The following POLR3A variants were observed in gnomAD, a reference collection of about 807,000 sequenced individuals.
The protein encoded by POLR3A is RNA polymerase III subunit A, also known as DNA-directed RNA polymerase III subunit RPC1.
POLR3A carries 112 observed loss-of-function variants against 152.8 expected under a neutral mutation model. That is an observed-to-expected ratio of 0.73 (90% CI 0.63 to 0.86). The LOEUF (loss-of-function observed/expected upper bound fraction) is 0.86, where lower values mean the gene tolerates loss of function less well. Ranked by LOEUF, POLR3A falls within the 40% of genes least tolerant of loss-of-function variation. The pLI, the probability that POLR3A is intolerant of heterozygous loss-of-function variation, is 0.00. For missense variants in POLR3A, 1,385 were observed against 1,743.1 expected (o/e 0.79, Z 3.66); for synonymous variants, 615 against 652.1 (o/e 0.94, Z 0.87).
At chr10:78,001,482 T>C (rs531834022) in intron 17 of POLR3A, among the ~76,000 whole-genome samples, 3 of 152,152 alleles carry the variant, frequency 2.0e-5, no homozygotes, top group Non-Finnish European at 2.9e-5. Flanking sequence ...GTGTGGGCTA[T>C]GTCCTGAGGG....
rs1480597162 is a variant in POLR3A, at chr10:78,029,420, C to T, written c.-13G>A. The T allele has an allele frequency of 6.2e-7, 1 of 1,613,884 alleles. No homozygotes were observed. The highest frequency in any genetic ancestry group is 8.5e-7 in the Non-Finnish European group (1 of 1,180,028). On this transcript the variant is annotated 5_prime_UTR_variant, in exon 1 of 31. Transcript: ENST00000372371. Reference sequence around the variant, plus strand: ...GCTCCTTCACCATGATGACCGCTGCCGGGACGCCTCCTTGGCACTCGGGAG... The same window carrying T: ...GCTCCTTCACCATGATGACCGCTGCTGGGACGCCTCCTTGGCACTCGGGAG...
At chr10:77,995,468 C>A (rs570837195) in intron 19 of POLR3A, among the ~76,000 whole-genome samples, 1 of 152,116 alleles carries the variant, frequency 6.6e-6, no homozygotes. Flanking sequence ...GGAGGAAGAT[C>A]TACTAAGCAA....
intron 19 of POLR3A, among the ~76,000 whole-genome samples, chr10:77,994,305 T>C (rs1847277378): frequency 6.6e-6 from 1 of 152,182 alleles, no homozygotes; most frequent in African/African-American, 2.4e-5. Flanking sequence ...AGGTGTCCAC[T>C]GTCACACTAA....
intron 16 of POLR3A, among the ~76,000 whole-genome samples, chr10:78,004,334 A>G (rs1207644397): frequency 6.6e-6 from 1 of 152,220 alleles, no homozygotes; most frequent in Non-Finnish European, 1.5e-5. Flanking sequence ...GGATGCTGAA[A>G]ATAGAAAAGG....
At chr10:77,982,032 C>G (rs1229598931) in intron 28 of POLR3A, 122 bp downstream of exon 28, 22 of 619,366 alleles carry the variant, frequency 3.6e-5, no homozygotes, top group African/African-American at 3.2e-4. Context: ...GAGCAAGACT[C>G]CATCTCAAAA....
intron 26 of POLR3A, 68 bp from the exon 27 acceptor site, chr10:77,982,885 C>T (rs1847162010): frequency 6.8e-7 from 1 of 1,478,290 alleles, no homozygotes; most frequent in Non-Finnish European, 9.5e-7. Flanking sequence ...ATTGTTGCCC[C>T]TCTAAGAAGT....
chr10:77,982,743 A>G lies in POLR3A; in HGVS notation c.3504T>C (p.His1168=), dbSNP rs956291493. 11 of 1,613,808 alleles carry G rather than the reference A, an allele frequency of 6.8e-6. No homozygotes were observed. The African/African-American group carries it at 1.2e-4, about 18-fold the overall frequency. ...GGGTGACACACACCACAGCCTCACC[A>G]TGAACAGCCACATCACCGGGCTTCA... ...LRVKPGDVAV[H]GEAVVCVTPR... The change falls in exon 27 of 31, where the codon CAT becomes CAC. Residue 1168 remains histidine, a synonymous_variant. Coordinates refer to ENST00000372371, the MANE Select transcript of POLR3A (RefSeq NM_007055.4).
In POLR3A at chr10:77,985,792, T is replaced by C. The variant is rs1017185244; in HGVS notation, c.3071+111A>G. 3 of 811,856 alleles carry C rather than the reference T, an allele frequency of 3.7e-6. No homozygotes were observed. The Admixed American group carries it at 5.6e-5, about 15-fold the overall frequency. 50.3% of individuals were successfully genotyped at this position (811,856 alleles called of 1,614,324 possible). ...GAAAATGTGACAGAATCTGATCAAA[T>C]ACTGGCAGTTAACAAGTGAGCTGGT... On this transcript the variant is annotated intron_variant, in intron 23 of 30. Coordinates refer to ENST00000372371, the MANE Select transcript of POLR3A (RefSeq NM_007055.4).
intron 5 of POLR3A, among the ~76,000 whole-genome samples, chr10:78,023,520 C>G (rs1204273457): frequency 6.6e-6 from 1 of 151,814 alleles, no homozygotes; most frequent in East Asian, 1.9e-4. Context: ...GTGGCTGACA[C>G]CTGTAATCCC....
At chr10:78,003,310 C>T (rs1302775088) in intron 16 of POLR3A, among the ~76,000 whole-genome samples, 1 of 152,118 alleles carries the variant, frequency 6.6e-6, no homozygotes, top group African/African-American at 2.4e-5. Flanking sequence ...CTGGTTTCTC[C>T]CTGCTTTAGA....
chr10:78,007,291 GCAAA>G (rs969575544), intron 15 of POLR3A, among the ~76,000 whole-genome samples: 7 of 152,106 alleles, frequency 4.6e-5, no homozygotes, highest in South Asian at 2.1e-4. Context: ...CAAAGCATGA[GCAAA>G]CAAACAAACA....
At chr10:77,998,564 T>C (rs1214577668) in intron 19 of POLR3A, among the ~76,000 whole-genome samples, 1 of 152,222 alleles carries the variant, frequency 6.6e-6, no homozygotes, top group Non-Finnish European at 1.5e-5. Context: ...TCATCATCAC[T>C]GGCCATCAGA....
chr10:78,024,216 T>C (rs765340142), intron 5 of POLR3A, among the ~76,000 whole-genome samples: 2 of 150,934 alleles, frequency 1.3e-5, no homozygotes, highest in African/African-American at 4.9e-5. Context: ...ATATAAAAAT[T>C]AGGTGGGCAT....
chr10:77,986,146 A>G lies in POLR3A; in HGVS notation c.2915T>C (p.Phe972Ser). Residue 972 changes from phenylalanine (F) to serine (S), a missense_variant, in exon 22 of 31, where the codon TTC becomes TCC. By Grantham distance (155) the Phe-to-Ser change is radical (BLOSUM62 -2). Transcript: ENST00000372371. ...GATCTTCTCAGAGACCCCCTTAATG[A>G]ATTTTTTTATTTCCTGAAAGATTAC... Reference protein sequence around the residue: ...QDSFLQEIKKFIKGVSEKIKK... With the variant: ...QDSFLQEIKKSIKGVSEKIKK... The G allele has an allele frequency of 6.5e-7, 1 of 1,537,738 alleles. No homozygotes were observed. The highest frequency in any genetic ancestry group is 2.2e-5 in the East Asian group (1 of 44,530).
At chr10:78,015,928 C>G (rs142499933) in intron 10 of POLR3A, among the ~76,000 whole-genome samples, 6 of 152,200 alleles carry the variant, frequency 3.9e-5, no homozygotes, top group African/African-American at 1.4e-4. Context: ...ATCCCATAAT[C>G]ACAAACTACT....
intron 19 of POLR3A, 123 bp downstream of exon 19, chr10:77,999,858 C>A: frequency 1.0e-6 from 1 of 959,760 alleles, no homozygotes; most frequent in South Asian, 1.5e-5. Context: ...TACATTTTTT[C>A]CTTTTAAATT....
intron 19 of POLR3A, among the ~76,000 whole-genome samples, chr10:77,995,793 G>A (rs1164544211): frequency 6.6e-6 from 1 of 152,142 alleles, no homozygotes; most frequent in Non-Finnish European, 1.5e-5. Context: ...ATTGAACTCA[G>A]CTCTGCACCA....
chr10:77,988,694 T>G (rs992062586), intron 21 of POLR3A, among the ~76,000 whole-genome samples: 8 of 152,172 alleles, frequency 5.3e-5, no homozygotes, highest in Admixed American at 2.6e-4. Flanking sequence ...CTGGCATGGC[T>G]CTAACAGAAT....
In POLR3A at chr10:78,025,211, C is replaced by G. The variant is rs558691296; in HGVS notation, c.319-69G>C. 3.9e-6 allele frequency: 6 copies of G among 1,554,222 alleles called. No individual in the cohort carries two copies. In the African/African-American group the frequency reaches 8.1e-5, roughly 21 times the overall value. On this transcript the variant is annotated intron_variant, in intron 3 of 30. Transcript: ENST00000372371. ...GAAAAATTATTTTCTTTTAAAAATGCCATCGCCCTGTTTTGTACCCTTAAC... is the reference window on the plus strand; with the variant it reads ...GAAAAATTATTTTCTTTTAAAAATGGCATCGCCCTGTTTTGTACCCTTAAC...
Sources: allele counts gnomAD v4.1 joint callset (sites outside exome capture counted in the v4.1 genomes callset), GRCh38; gene constraint gnomAD v4.1.1; transcripts MANE v1.5; gene names NCBI Gene and HGNC (gene_info 2026-07-23, HGNC 2026-07-21).